HHAT: variants seen among roughly 807,000 people sequenced by gnomAD.
The protein encoded by HHAT is hedgehog acyltransferase, also known as protein-cysteine N-palmitoyltransferase HHAT.
Under a neutral mutation model 70.8 loss-of-function variants are expected in HHAT, and 47 were observed. The observed-to-expected ratio is 0.66, with a 90% CI of 0.53 to 0.85. HHAT has a LOEUF of 0.85. HHAT is among the 40% of genes least tolerant of loss of function. The pLI is 0.00. For missense variants in HHAT, 609 were observed against 604.8 expected, an observed-to-expected ratio of 1.01 and a Z score of -0.07; for synonymous variants, 228 against 247.6, an observed-to-expected ratio of 0.92 and a Z score of 0.74.
chr1:210,588,193 A>C, intron 10 of HHAT, 94 bp downstream of exon 10: 1 of 1,067,728 alleles, frequency 9.4e-7, no homozygotes, highest in African/African-American at 1.6e-5. Flanking sequence ...TGCCCCCACT[A>C]TGGGCCCTTT....
intron 10 of HHAT, 118 bp from the exon 11 acceptor site, chr1:210,623,408 C>A (rs775699760): frequency 9.3e-7 from 1 of 1,080,538 alleles, no homozygotes; most frequent in Non-Finnish European, 1.4e-6. Flanking sequence ...TAAATAATGA[C>A]CTGGTTTGGG....
At chr1:210,520,172 T>C (rs10746426) in intron 9 of HHAT, among the ~76,000 whole-genome samples, 109,036 of 151,788 alleles carry the variant, frequency 0.72, 39,473 homozygotes, top group Non-Finnish European at 0.77. Context: ...CCCACCACCA[T>C]GCCCTGCTAA....
intron 1 of HHAT, chr1:210,329,505 C>G: frequency 1.0e-6 from 1 of 1,001,192 alleles, no homozygotes; most frequent in Non-Finnish European, 1.2e-6. Flanking sequence ...CCTTTGCGTT[C>G]TATCTTCAGG....
At position 210,412,199 on chromosome 1, in the gene HHAT, T is replaced by C. The variant is rs115496288; in HGVS notation, c.685-5955T>C. Among the ~76,000 whole-genome samples, 1,269 of 152,298 alleles carry C rather than the reference T, an allele frequency of 8.3e-3. 27 individuals carry two copies. Among genetic ancestry groups the C allele is most frequent in the African/African-American group, 0.029 (1,198 of 41,564 alleles). ...GGCACCATCTCCTAGTACCATTACC[T>C]TGGGGGTTAGGATTTCAACATAGGA... On this transcript the variant is annotated intron_variant, in intron 6 of 11. Transcript: ENST00000261458.
intron 7 of HHAT, among the ~76,000 whole-genome samples, chr1:210,425,365 T>G (rs1443941441): frequency 6.6e-6 from 1 of 152,202 alleles, no homozygotes; most frequent in Non-Finnish European, 1.5e-5. Flanking sequence ...CATTTGTCAA[T>G]TTTGCTTTTG....
chr1:210,331,855 T>C (rs684045), intron 1 of HHAT, among the ~76,000 whole-genome samples: 95,564 of 151,682 alleles, frequency 0.63, 32,509 homozygotes, highest in African/African-American at 0.9. Context: ...GCAAGTTTTG[T>C]AACCCCTTCT....
rs57414303 is a variant in HHAT at position 210,347,177 on chromosome 1, C to T, written c.-43-1756C>T. On this transcript the variant is annotated intron_variant, in intron 1 of 11. Transcript: ENST00000261458. ...CAACATCTTCCCCACTTCCCCCGCC[C>T]CAGCCCCTGGCAACCACTTCTGTGA... 5.3e-5 allele frequency among the ~76,000 whole-genome samples: 8 copies of T among 152,328 alleles called. No homozygotes were observed. The East Asian group carries it at 1.5e-3, about 29-fold the overall frequency.
chr1:210,501,388 A>G (rs1308913793), intron 8 of HHAT, among the ~76,000 whole-genome samples: 1 of 152,114 alleles, frequency 6.6e-6, no homozygotes, highest in East Asian at 1.9e-4. Flanking sequence ...CATCGGTTGC[A>G]TTGGAGTTTG....
At chr1:210,520,159 G>A (rs1399333403) in intron 9 of HHAT, among the ~76,000 whole-genome samples, 1 of 152,022 alleles carries the variant, frequency 6.6e-6, no homozygotes, top group Admixed American at 6.6e-5. Context: ...GGGATTACAG[G>A]CACCCACCAC....
intron 8 of HHAT, among the ~76,000 whole-genome samples, chr1:210,493,333 C>A (rs2094580707): frequency 6.6e-6 from 1 of 152,162 alleles, no homozygotes; most frequent in Non-Finnish European, 1.5e-5. Flanking sequence ...GGCTGGCAGA[C>A]TGAAGAGCCA....
At chr1:210,497,762 T>C (rs1484677798) in intron 8 of HHAT, among the ~76,000 whole-genome samples, 2 of 151,012 alleles carry the variant, frequency 1.3e-5, no homozygotes, top group South Asian at 4.2e-4. Flanking sequence ...CTGGGCTGAC[T>C]CTAATTTTTT....
intron 11 of HHAT, among the ~76,000 whole-genome samples, chr1:210,669,527 C>T (rs1679655254): frequency 6.6e-6 from 1 of 152,206 alleles, no homozygotes; most frequent in African/African-American, 2.4e-5. Context: ...TAGTTATCTG[C>T]AATTAGCTAT....
At chr1:210,509,476 ACTGT>A (rs768360224) in intron 8 of HHAT, among the ~76,000 whole-genome samples, 2 of 152,088 alleles carry the variant, frequency 1.3e-5, no homozygotes, top group Non-Finnish European at 2.9e-5. Flanking sequence ...GCTAATGGAG[ACTGT>A]CTGGGCTCAG....
intron 8 of HHAT, among the ~76,000 whole-genome samples, chr1:210,511,993 T>C (rs1572943883): frequency 6.6e-6 from 1 of 152,048 alleles, no homozygotes; most frequent in African/African-American, 2.4e-5. Flanking sequence ...ACTGGCTACA[T>C]GATCAGAGGT....
chr1:210,656,097 C>CCTTTTGA (rs1676346932), intron 11 of HHAT, among the ~76,000 whole-genome samples: 2 of 152,150 alleles, frequency 1.3e-5, no homozygotes, highest in South Asian at 4.2e-4. Context: ...TTGACAGTAG[C>CCTTTTGA]CAAAATTCAT....
At chr1:210,511,448 G>A (rs1000981124) in intron 8 of HHAT, among the ~76,000 whole-genome samples, 16 of 152,180 alleles carry the variant, frequency 1.1e-4, no homozygotes, top group African/African-American at 3.9e-4. Context: ...ATTTAAAGGT[G>A]TCCCACAGGG....
At chr1:210,389,980 T>TC (rs1470114513) in intron 4 of HHAT, among the ~76,000 whole-genome samples, 5 of 152,164 alleles carry the variant, frequency 3.3e-5, no homozygotes, top group Admixed American at 6.5e-5. Flanking sequence ...TAGTTTTTTT[T>TC]CTCCCTTTAA....
At chr1:210,413,854 T>G (rs1299712029) in intron 6 of HHAT, among the ~76,000 whole-genome samples, 1 of 152,162 alleles carries the variant, frequency 6.6e-6, no homozygotes, top group Non-Finnish European at 1.5e-5. Context: ...TGCCAAAATT[T>G]CCCTTAAAGA....
At chr1:210,498,933 C>T (rs528540927) in intron 8 of HHAT, among the ~76,000 whole-genome samples, 120 of 152,112 alleles carry the variant, frequency 7.9e-4, no homozygotes, top group Middle Eastern at 3.4e-3. Flanking sequence ...CCGTGCCTGG[C>T]TAATTTTTGT....
Sources: allele counts gnomAD v4.1 joint callset (sites outside exome capture counted in the v4.1 genomes callset), GRCh38; gene constraint gnomAD v4.1.1; transcripts MANE v1.5; gene names NCBI Gene and HGNC (gene_info 2026-07-23, HGNC 2026-07-21).